PTPRK: variants seen among roughly 807,000 people sequenced by gnomAD.
PTPRK encodes the protein protein tyrosine phosphatase receptor type K.
In PTPRK, 75 loss-of-function variants were observed where a neutral mutation model predicts 178.0. The ratio of observed to expected loss-of-function variants is 0.42; its 90% CI spans 0.35 to 0.51. PTPRK has a LOEUF of 0.51. PTPRK is among the 20% of genes least tolerant of loss of function. PTPRK has a pLI of 0.02. For synonymous variants in PTPRK, 637 were observed against 620.6 expected (o/e 1.03, Z -0.39); for missense variants, 1,441 against 1,797.8 (o/e 0.80, Z 3.59).
intron 15 of PTPRK, chr6:128,003,101 C>T: frequency 2.4e-6 from 3 of 1,225,864 alleles, no homozygotes; most frequent in Non-Finnish European, 3.5e-6. Context: ...CAAAATCAAG[C>T]TGCCTCCTGC....
intron 1 of PTPRK, among the ~76,000 whole-genome samples, chr6:128,508,957 A>G (rs1856773980): frequency 6.9e-6 from 1 of 145,608 alleles, no homozygotes; most frequent in South Asian, 2.1e-4. Flanking sequence ...CAAAAAAAAA[A>G]AAGAAAAGAA....
In PTPRK at chr6:128,018,495, AT is replaced by A. The variant is rs75812013; in HGVS notation, c.2195-9228del. ...TGAACATTCTTGTCAGGTGGCCTTA[AT>A]TTTTTTTTTTTTTGATAAAACAAAA... On this transcript the variant is annotated intron_variant, in intron 13 of 29. Coordinates refer to ENST00000368226, the MANE Select transcript of PTPRK (RefSeq NM_002844.4). Among the ~76,000 whole-genome samples, 961 of 144,628 alleles carry A rather than the reference AT, an allele frequency of 6.6e-3. 9 individuals carry two copies. The highest frequency in any genetic ancestry group is 0.042 in the East Asian group (209 of 5,000). 94.9% of individuals were successfully genotyped at this position (144,628 alleles called of 152,430 possible). A position where few individuals can be genotyped will look rare whatever the true frequency, so the allele number is the denominator to read the frequency against.
chr6:128,410,902 T>G (rs1364551794), intron 1 of PTPRK, among the ~76,000 whole-genome samples: 1 of 152,186 alleles, frequency 6.6e-6, no homozygotes, highest in African/African-American at 2.4e-5. Context: ...TTGTTTATTT[T>G]CTTTTTGAGA....
At position 128,254,494 on chromosome 6, in the gene PTPRK, T is replaced by C. The variant is rs188698737; in HGVS notation, c.496-11892A>G. Among the ~76,000 whole-genome samples the C allele has an allele frequency of 6.3e-4, 96 of 152,290 alleles. 2 individuals carry two copies. The East Asian group carries it at 0.014, about 22-fold the overall frequency. Reference sequence around the variant, plus strand: ...AATAATGGGTGCAAACACACAAATATGCATATCTATATTTGTCTTGACTTT... The same window carrying C: ...AATAATGGGTGCAAACACACAAATACGCATATCTATATTTGTCTTGACTTT... On this transcript the variant is annotated intron_variant, in intron 3 of 29. Transcript: ENST00000368226.
intron 11 of PTPRK, among the ~76,000 whole-genome samples, chr6:128,075,475 C>G (rs192296788): frequency 6.6e-6 from 1 of 151,950 alleles, no homozygotes; most frequent in East Asian, 1.9e-4. Flanking sequence ...ATCATTGTGA[C>G]CTTTGGCCAT....
At chr6:128,483,786 T>C (rs1852427187) in intron 1 of PTPRK, among the ~76,000 whole-genome samples, 1 of 152,176 alleles carries the variant, frequency 6.6e-6, no homozygotes, top group African/African-American at 2.4e-5. Context: ...AGAATTATAC[T>C]ATAATTAAAC....
intron 23 of PTPRK, 57 bp downstream of exon 23, chr6:127,983,185 T>C: frequency 1.4e-6 from 2 of 1,454,778 alleles, no homozygotes; most frequent in East Asian, 4.9e-5. Context: ...CATCTACTCT[T>C]TGTTTGCAAA....
intron 7 of PTPRK, among the ~76,000 whole-genome samples, chr6:128,140,871 C>A (rs1252265793): frequency 6.6e-6 from 1 of 151,942 alleles, no homozygotes; most frequent in Non-Finnish European, 1.5e-5. Context: ...GTGGAGGATT[C>A]ATTATCCAAA....
At chr6:128,063,028 T>C (rs1170372530) in intron 13 of PTPRK, among the ~76,000 whole-genome samples, 2 of 152,084 alleles carry the variant, frequency 1.3e-5, no homozygotes, top group Non-Finnish European at 2.9e-5. Flanking sequence ...AGGTACTCTA[T>C]TATTTAATTT....
At chr6:128,276,259 A>C (rs138271896) in intron 3 of PTPRK, among the ~76,000 whole-genome samples, 91 of 152,254 alleles carry the variant, frequency 6.0e-4, no homozygotes, top group African/African-American at 2.1e-3. Context: ...AGCATTTACC[A>C]GGCTATTTTA....
At chr6:128,249,678 C>A (rs139441429) in intron 3 of PTPRK, among the ~76,000 whole-genome samples, 2 of 152,198 alleles carry the variant, frequency 1.3e-5, no homozygotes, top group African/African-American at 2.4e-5. Context: ...ACTATCCAGG[C>A]GCTTTCCACA....
chr6:128,143,860 A>AC (rs1426896340), intron 7 of PTPRK, among the ~76,000 whole-genome samples: 1 of 152,210 alleles, frequency 6.6e-6, no homozygotes, highest in African/African-American at 2.4e-5. Flanking sequence ...ACTTGTAATA[A>AC]AACAGCTGAA....
At chr6:128,210,520 G>GA (rs1213908532) in intron 6 of PTPRK, among the ~76,000 whole-genome samples, 1 of 152,078 alleles carries the variant, frequency 6.6e-6, no homozygotes, top group Non-Finnish European at 1.5e-5. Flanking sequence ...ATCTATTCAA[G>GA]AAAAAATACG....
intron 3 of PTPRK, among the ~76,000 whole-genome samples, chr6:128,290,902 C>T (rs1823268734): frequency 6.6e-6 from 1 of 152,040 alleles, no homozygotes; most frequent in Non-Finnish European, 1.5e-5. Context: ...ATTTAATATA[C>T]TTTATCTTTT....
chr6:128,082,328 G>A, intron 10 of PTPRK, 109 bp downstream of exon 10: 1 of 1,030,032 alleles, frequency 9.7e-7, no homozygotes, highest in Non-Finnish European at 1.5e-6. Flanking sequence ...TATATTAAAG[G>A]TTCAACAAGC....
chr6:128,191,519 A>G (rs1803781044), intron 6 of PTPRK, among the ~76,000 whole-genome samples: 1 of 151,914 alleles, frequency 6.6e-6, no homozygotes, highest in South Asian at 2.1e-4. Flanking sequence ...AGGTAAGTAT[A>G]ATTAATAATA....
intron 1 of PTPRK, among the ~76,000 whole-genome samples, chr6:128,491,095 A>C: frequency 6.6e-6 from 1 of 152,212 alleles, no homozygotes; most frequent in Non-Finnish European, 1.5e-5. Flanking sequence ...GCTACCTCAC[A>C]TGACTGTGGT....
At chr6:128,299,056 A>C (rs1825050911) in intron 3 of PTPRK, among the ~76,000 whole-genome samples, 1 of 152,226 alleles carries the variant, frequency 6.6e-6, no homozygotes, top group African/African-American at 2.4e-5. Context: ...AAAAATCACA[A>C]GCATTCTTAT....
intron 1 of PTPRK, among the ~76,000 whole-genome samples, chr6:128,503,961 T>G (rs1346029196): frequency 6.6e-6 from 1 of 151,564 alleles, no homozygotes; most frequent in Admixed American, 6.6e-5. Flanking sequence ...AATGCACAAA[T>G]CAATGGTTCC....
Sources: gnomAD v4.1 joint callset for allele counts (sites outside exome capture counted in the v4.1 genomes callset) on GRCh38, gnomAD v4.1.1 for gene constraint, MANE v1.5 for transcripts, NCBI Gene and HGNC (gene_info 2026-07-23, HGNC 2026-07-21) for gene names.